The following ST3GAL3 variants were observed in gnomAD, a reference collection of about 807,000 sequenced individuals.
The protein encoded by ST3GAL3 is ST3 beta-galactoside alpha-2,3-sialyltransferase 3.
In ST3GAL3, 21 loss-of-function variants were observed where a neutral mutation model predicts 50.1. That is an observed-to-expected ratio of 0.42 (90% confidence interval 0.30 to 0.60). The LOEUF is 0.60. ST3GAL3 is among the 20% of genes least tolerant of loss of function. The probability of loss-of-function intolerance (pLI) is 0.19; values close to 1 mark genes in which losing one functional copy is unlikely to be tolerated. For missense variants in ST3GAL3, 353 were observed against 489.4 expected, an observed-to-expected ratio of 0.72 and a Z score of 2.63; for synonymous variants, 183 against 190.0, an observed-to-expected ratio of 0.96 and a Z score of 0.30.
intron 1 of ST3GAL3, among the ~76,000 whole-genome samples, chr1:43,731,275 G>A (rs1360247366): frequency 2.0e-5 from 3 of 151,866 alleles, no homozygotes; most frequent in East Asian, 1.9e-4. Flanking sequence ...GCAGTGGCAC[G>A]ATTTCGGCTC....
chr1:43,722,442 T>G (rs2154074221), intron 1 of ST3GAL3, among the ~76,000 whole-genome samples: 1 of 152,254 alleles, frequency 6.6e-6, no homozygotes, highest in South Asian at 2.1e-4. Context: ...GACTTTACCC[T>G]AAAGAAAATG....
intron 1 of ST3GAL3, among the ~76,000 whole-genome samples, chr1:43,711,277 TCTTAATATGGTA>T (rs1157426534): frequency 2.6e-5 from 4 of 152,218 alleles, no homozygotes; most frequent in African/African-American, 9.6e-5. Context: ...AGAAACTCCA[TCTTAATATGGTA>T]CTGCCATGAC....
intron 4 of ST3GAL3, among the ~76,000 whole-genome samples, chr1:43,833,929 C>A (rs1171820329): frequency 6.6e-6 from 1 of 152,190 alleles, no homozygotes; most frequent in Non-Finnish European, 1.5e-5. Flanking sequence ...GCGCTAGATC[C>A]TTTCCCCCTC....
Position 43,899,281 on chromosome 1 carries a change from GCAC to G in ST3GAL3, c.557+20_557+22del, listed in dbSNP as rs2077867660. ...GTGGTGAGGTGAGCTCCCCAAAATG[GCAC>G]CTCGGGTGAGTGTCGTGGCCCCAAC... On this transcript the variant is annotated intron_variant, in intron 8 of 11. Transcript: ENST00000347631. This position sits in a 1 kb window ranked among gnomAD's most constrained non-coding sequence, Gnocchi z 5.4. 1.2e-6 allele frequency: 2 copies of G among 1,614,040 alleles called. No homozygotes were observed. Among genetic ancestry groups the G allele is most frequent in the East Asian group, 2.2e-5 (1 of 44,892 alleles).
intron 3 of ST3GAL3, among the ~76,000 whole-genome samples, chr1:43,812,293 GCA>G (rs2060649794): frequency 2.0e-5 from 3 of 152,138 alleles, no homozygotes; most frequent in African/African-American, 7.2e-5. Context: ...TTGCTGCCTG[GCA>G]CAGTTAGCAG....
At chr1:43,874,821 C>A (rs181278968) in intron 5 of ST3GAL3, among the ~76,000 whole-genome samples, 5 of 152,086 alleles carry the variant, frequency 3.3e-5, no homozygotes, top group Admixed American at 2.0e-4. Flanking sequence ...TCTATGGGAA[C>A]AAGAATGAGG....
At chr1:43,849,439 T>G (rs2066876647) in intron 5 of ST3GAL3, among the ~76,000 whole-genome samples, 2 of 152,202 alleles carry the variant, frequency 1.3e-5, no homozygotes, top group African/African-American at 4.8e-5. Flanking sequence ...AGAAATTAGT[T>G]TGAGTTCAAA....
intron 3 of ST3GAL3, among the ~76,000 whole-genome samples, chr1:43,804,598 G>C (rs912339945): frequency 6.6e-6 from 1 of 152,094 alleles, no homozygotes; most frequent in Non-Finnish European, 1.5e-5. Flanking sequence ...GAACTACCTT[G>C]GCAAACTGGG....
intron 4 of ST3GAL3, among the ~76,000 whole-genome samples, chr1:43,835,243 C>T (rs1426194584): frequency 6.6e-6 from 1 of 152,108 alleles, no homozygotes; most frequent in Non-Finnish European, 1.5e-5. Context: ...GAGAGACTGA[C>T]TATTCTGGCC....
intron 2 of ST3GAL3, chr1:43,736,754 T>C (rs918715462): frequency 2.9e-6 from 1 of 341,428 alleles, no homozygotes; most frequent in Non-Finnish European, 5.6e-6. Flanking sequence ...TTGAAGTTGG[T>C]TTCCATCTGC....
At chr1:43,723,134 A>G in intron 1 of ST3GAL3, among the ~76,000 whole-genome samples, 1 of 144,134 alleles carries the variant, frequency 6.9e-6, no homozygotes, top group Non-Finnish European at 1.5e-5. Flanking sequence ...TTTGAGATGG[A>G]GTCTCGTTCT....
chr1:43,907,279 G>A (rs368897077), intron 9 of ST3GAL3, among the ~76,000 whole-genome samples: 5 of 152,240 alleles, frequency 3.3e-5, no homozygotes, highest in East Asian at 1.9e-4. Flanking sequence ...GTGCAGTCCC[G>A]TTCTTCAAGC....
At chr1:43,781,128 G>A (rs1417167382) in intron 2 of ST3GAL3, among the ~76,000 whole-genome samples, 1 of 151,982 alleles carries the variant, frequency 6.6e-6, no homozygotes, top group African/African-American at 2.4e-5. Flanking sequence ...TTGTCTACTT[G>A]GTTTCCAGTT....
chr1:43,748,029 C>T (rs1684533867), intron 2 of ST3GAL3, among the ~76,000 whole-genome samples: 1 of 152,106 alleles, frequency 6.6e-6, no homozygotes, highest in Non-Finnish European at 1.5e-5. Context: ...TCCAGGAACC[C>T]ACTAAGAGTC....
In ST3GAL3 at chr1:43,899,638, C is replaced by A; in HGVS notation, c.655C>A (p.Gln219Lys). Residue 219 changes from glutamine to lysine, a missense_variant, in exon 9 of 12, where the codon CAG (glutamine) becomes AAG (lysine). Coordinates refer to ENST00000347631, the MANE Select transcript of ST3GAL3 (RefSeq NM_006279.5). This position sits in a 1 kb window ranked among gnomAD's most constrained non-coding sequence, Gnocchi z 5.4. ...YPEGAMQRPE[Q>K]YERDSLFVLA... The stretch of plus-strand genomic sequence containing the variant: ...CGAGGGCGCCATGCAGCGGCCTGAG[C>A]AGTACGAGCGCGATTCTCTCTTTGT... The A allele has an allele frequency of 6.2e-7, 1 of 1,614,176 alleles. No homozygotes were observed. Among genetic ancestry groups the A allele is most frequent in the Non-Finnish European group, 8.5e-7 (1 of 1,180,042 alleles).
chr1:43,833,618 A>C (rs1340456738), intron 4 of ST3GAL3, among the ~76,000 whole-genome samples: 1 of 152,190 alleles, frequency 6.6e-6, no homozygotes, highest in Non-Finnish European at 1.5e-5. Context: ...ACATGCCCCA[A>C]ATCACACAGC....
At chr1:43,928,983 CTT>C (rs1381876174) in intron 11 of ST3GAL3, among the ~76,000 whole-genome samples, 1 of 152,168 alleles carries the variant, frequency 6.6e-6, no homozygotes, top group Admixed American at 6.5e-5. Context: ...AGAGAGGTCA[CTT>C]GGGGACAAAC....
At chr1:43,792,693 C>G (rs1480768080) in intron 3 of ST3GAL3, among the ~76,000 whole-genome samples, 3 of 152,224 alleles carry the variant, frequency 2.0e-5, no homozygotes. Flanking sequence ...CACTCCTTCT[C>G]TTCCCTGTTT....
At chr1:43,861,039 T>A (rs2069800207) in intron 5 of ST3GAL3, among the ~76,000 whole-genome samples, 2 of 152,190 alleles carry the variant, frequency 1.3e-5, no homozygotes, top group African/African-American at 4.8e-5. Context: ...TGTGTGCCTG[T>A]GCCAGGTTCA....
Sources: gnomAD v4.1 joint callset for allele counts (sites outside exome capture counted in the v4.1 genomes callset) on GRCh38, gnomAD v4.1.1 for gene constraint, Gnocchi (gnomAD v3.1) non-coding constraint, MANE v1.5 for transcripts, NCBI Gene and HGNC (gene_info 2026-07-23, HGNC 2026-07-21) for gene names.